TEAD3: variants seen among roughly 807,000 people sequenced by gnomAD.
The protein encoded by TEAD3 is transcriptional enhancer factor TEF-5.
Under a neutral mutation model 55.6 loss-of-function variants are expected in TEAD3, and 15 were observed. The ratio of observed to expected loss-of-function variants is 0.27; its 90% confidence interval spans 0.18 to 0.42. The LOEUF is 0.42. Among genes scored for constraint, TEAD3 ranks in the 10% least tolerant of loss-of-function variants. The pLI is 1.00. For missense variants in TEAD3, 407 were observed against 576.8 expected, an observed-to-expected ratio of 0.71 and a Z score of 3.01; for synonymous variants, 210 against 232.2, an observed-to-expected ratio of 0.90 and a Z score of 0.87.
At position 35,488,753 on chromosome 6, in the gene TEAD3, T is replaced by G. The variant is rs761404988; in HGVS notation, c.-49-2042A>C. Among the ~76,000 whole-genome samples the G allele has an allele frequency of 1.3e-5, 2 of 152,234 alleles. No homozygotes were observed. The highest frequency in any genetic ancestry group is 2.4e-5 in the African/African-American group (1 of 41,458). On this transcript the variant is annotated intron_variant, in intron 1 of 12. Coordinates refer to ENST00000639578, the Ensembl canonical transcript of TEAD3. This position sits in a 1 kb window ranked among gnomAD's most constrained non-coding sequence, Gnocchi z 4.2. The stretch of plus-strand genomic sequence containing the variant: ...TGTTTTTTATTTTTTAGACGGAGTC[T>G]TGCTCTGTCGCCCAGGCTAGAGTGC...
At position 35,475,158 on chromosome 6, in the gene TEAD3, C is replaced by CT; in HGVS notation, c.1195-2dup. The CT allele has an allele frequency of 6.3e-7, 1 of 1,576,654 alleles. No individual in the cohort carries two copies. Among genetic ancestry groups the CT allele is most frequent in the Non-Finnish European group, 8.6e-7 (1 of 1,160,938 alleles). Reference sequence around the variant, plus strand: ...CCTGGGAGTCCCGGCTCGTGACCACCTGGGGGGTGAGCAGGTAAGAGATTC... The same window carrying CT: ...CCTGGGAGTCCCGGCTCGTGACCACCTTGGGGGGTGAGCAGGTAAGAGATTC... On this transcript the variant is annotated splice_acceptor_variant, in intron 12 of 12. Coordinates refer to ENST00000639578, the Ensembl canonical transcript of TEAD3. LOFTEE classifies it high-confidence loss of function. The surrounding 1 kb of genome is among the most constrained non-coding windows in gnomAD (Gnocchi z 5.4).
chr6:35,479,479 C>T (rs1768224252), intron 4 of TEAD3, among the ~76,000 whole-genome samples, 163 bp from the exon 5 acceptor site: 1 of 152,234 alleles, frequency 6.6e-6, no homozygotes, highest in South Asian at 2.1e-4. Flanking sequence ...AGAGGGAGTG[C>T]CTGCCAGCTG....
intron 1 of TEAD3, among the ~76,000 whole-genome samples, chr6:35,493,947 C>T (rs965480617): frequency 6.6e-6 from 1 of 152,200 alleles, no homozygotes; most frequent in Admixed American, 6.5e-5. Flanking sequence ...AGAACATCCC[C>T]CATGCAGGTT....
chr6:35,488,275 G>A lies in TEAD3; in HGVS notation c.-49-1564C>T, dbSNP rs1363894093. 6.6e-6 allele frequency among the ~76,000 whole-genome samples: 1 copy of A among 151,916 alleles called. No individual in the cohort carries two copies. Among genetic ancestry groups the A allele is most frequent in the Admixed American group, 6.6e-5 (1 of 15,246 alleles). The stretch of plus-strand genomic sequence containing the variant: ...GTAAACCACCAACACGCCCGCCCCC[G>A]CCCTGGCCCATCCTACATGTGGGCC... On this transcript the variant is annotated intron_variant, in intron 1 of 12. Transcript: ENST00000639578. The surrounding 1 kb of genome is among the most constrained non-coding windows in gnomAD (Gnocchi z 4.2).
intron 1 of TEAD3, among the ~76,000 whole-genome samples, chr6:35,490,929 G>A (rs775851963): frequency 6.6e-5 from 10 of 151,924 alleles, no homozygotes; most frequent in South Asian, 2.1e-4. Context: ...ACTCTGCCTC[G>A]CTGTGCTGTG....
rs780676927 is a variant in TEAD3, at chr6:35,486,584, G to T, written c.79C>A (p.Leu27Met). ...CACACGCCCTCCGCATCGTTGTCCA[G>T]CCCCTTGTCCAGGCCCTCGGGCCCA... Residue 27 changes from leucine to methionine, a missense_variant, in exon 2 of 13, where the codon CTG becomes ATG. Leu to Met is a conservative substitution (Grantham distance 15, BLOSUM62 2). Coordinates refer to ENST00000639578, the Ensembl canonical transcript of TEAD3. The surrounding 1 kb of genome is among the most constrained non-coding windows in gnomAD (Gnocchi z 7.3). The T allele has an allele frequency of 6.2e-7, 1 of 1,613,542 alleles. No homozygotes were observed. Among genetic ancestry groups the T allele is most frequent in the Non-Finnish European group, 8.5e-7 (1 of 1,179,792 alleles).
Position 35,484,007 on chromosome 6 carries a change from G to C in TEAD3, c.267+553C>G, listed in dbSNP as rs1561805751. 6.6e-6 allele frequency among the ~76,000 whole-genome samples: 1 copy of C among 152,190 alleles called. No individual in the cohort carries two copies. ...TCCAACTTCCTCAGCCTGGAAGGAA[G>C]GGTCTTCTCCCTTTTCTCTGCCTTG... On this transcript the variant is annotated intron_variant, in intron 3 of 12. Coordinates refer to ENST00000639578, the Ensembl canonical transcript of TEAD3. The surrounding 1 kb of genome is among the most constrained non-coding windows in gnomAD (Gnocchi z 5.8).
At chr6:35,478,872 A>AT (rs1768208522) in intron 5 of TEAD3, among the ~76,000 whole-genome samples, 1 of 126,560 alleles carries the variant, frequency 7.9e-6, no homozygotes, top group Non-Finnish European at 1.6e-5. Flanking sequence ...GTACTCTCCT[A>AT]TTTTCTTTTT....
In TEAD3 at chr6:35,476,095, G is replaced by A; in HGVS notation, c.727-3C>T. 1 of 1,537,618 alleles carries A rather than the reference G, an allele frequency of 6.5e-7. No individual in the cohort carries two copies. The highest frequency in any genetic ancestry group is 8.8e-7 in the Non-Finnish European group (1 of 1,141,216). ...TGCACAAACAGGTGTTTGCTGTACT[G>A]TGGGGAGGGCCCAGACAGGGTCAGG... On this transcript the variant is annotated splice_polypyrimidine_tract_variant and splice_region_variant and intron_variant, in intron 9 of 12. Transcript: ENST00000639578.
At chr6:35,494,671 C>T (rs779614674) in intron 1 of TEAD3, among the ~76,000 whole-genome samples, 37 of 152,218 alleles carry the variant, frequency 2.4e-4, no homozygotes, top group Non-Finnish European at 4.0e-4. Flanking sequence ...CCATCCTGGG[C>T]GGGGAGGAGG....
rs1390786129 is a variant in TEAD3 at position 35,491,385 on chromosome 6, A to G, written c.-49-4674T>C. 6.6e-6 allele frequency among the ~76,000 whole-genome samples: 1 copy of G among 151,926 alleles called. No individual in the cohort carries two copies. ...GACCAGAAACTCAGATATGATAGGC[A>G]TCGAGGGAGGGGCAGACCAGGAGGG... On this transcript the variant is annotated intron_variant, in intron 1 of 12. Coordinates refer to ENST00000639578, the Ensembl canonical transcript of TEAD3. The surrounding 1 kb of genome is among the most constrained non-coding windows in gnomAD (Gnocchi z 4.4).
intron 3 of TEAD3, among the ~76,000 whole-genome samples, chr6:35,481,341 G>A (rs539773327): frequency 2.0e-5 from 3 of 152,162 alleles, no homozygotes; most frequent in African/African-American, 2.4e-5. Flanking sequence ...GATCCTTGAC[G>A]CCGCTTCACG....
In TEAD3 at chr6:35,475,121, C is replaced by T; in HGVS notation, c.1231G>A (p.Val411Ile). 1 of 1,591,864 alleles carries T rather than the reference C, an allele frequency of 6.3e-7. No homozygotes were observed. Among genetic ancestry groups the T allele is most frequent in the South Asian group, 1.1e-5 (1 of 87,696 alleles). The change falls in exon 13 of 13, where the codon GTC becomes ATC. Residue 411 changes from valine to isoleucine, a missense_variant. Val to Ile is a conservative substitution (Grantham distance 29). Transcript: ENST00000639578. The surrounding 1 kb of genome is among the most constrained non-coding windows in gnomAD (Gnocchi z 5.4). Reference sequence around the variant, plus strand: ...GAGACTTCGAAGACAAAAGCAATGACAAGCAGGGTCTCCTGGGAGTCCCGG... The same window carrying T: ...GAGACTTCGAAGACAAAAGCAATGATAAGCAGGGTCTCCTGGGAGTCCCGG...
At chr6:35,476,207 C>T (rs964521248) in intron 9 of TEAD3, 95 bp downstream of exon 9, 2 of 1,553,570 alleles carry the variant, frequency 1.3e-6, no homozygotes, top group Non-Finnish European at 8.7e-7. Flanking sequence ...ACAGGCCAGA[C>T]CCCCAACCCC....
chr6:35,473,906 G>T (rs1269036769), downstream of TEAD3: 1 of 152,510 alleles, frequency 6.6e-6, no homozygotes, highest in Non-Finnish European at 1.5e-5. Context: ...GTGGCTGCTG[G>T]ACAGGCCCAG....
At position 35,475,103 on chromosome 6, in the gene TEAD3, C is replaced by T. The variant is rs1268720847; in HGVS notation, c.1249G>A (p.Glu417Lys). 1.3e-6 allele frequency: 2 copies of T among 1,597,944 alleles called. No individual in the cohort carries two copies. The highest frequency in any genetic ancestry group is 1.7e-6 in the Non-Finnish European group (2 of 1,171,928). The change falls in exon 13 of 13, where the codon GAA becomes AAA. Residue 417 changes from glutamate (E) to lysine (K), a missense_variant. Coordinates refer to ENST00000639578, the Ensembl canonical transcript of TEAD3. This position sits in a 1 kb window ranked among gnomAD's most constrained non-coding sequence, Gnocchi z 5.4. Reference sequence around the variant, plus strand: ...GCCCCGTGCTCACTGGTGGAGACTTCGAAGACAAAAGCAATGACAAGCAGG... The same window carrying T: ...GCCCCGTGCTCACTGGTGGAGACTTTGAAGACAAAAGCAATGACAAGCAGG...
rs1352857877 is a variant in TEAD3 at position 35,485,873 on chromosome 6, A to G, written c.202+588T>C. Among the ~76,000 whole-genome samples the G allele has an allele frequency of 6.6e-6, 1 of 152,136 alleles. No individual in the cohort carries two copies. The highest frequency in any genetic ancestry group is 1.5e-5 in the Non-Finnish European group (1 of 68,016). On this transcript the variant is annotated intron_variant, in intron 2 of 12. Transcript: ENST00000639578. The surrounding 1 kb of genome is among the most constrained non-coding windows in gnomAD (Gnocchi z 4.3). ...GGCCCAGAAGGGTCGAGTTATCCCAAAAATGCAGCTCTGGGAGAGCCCTCT... is the reference window on the plus strand; with the variant it reads ...GGCCCAGAAGGGTCGAGTTATCCCAGAAATGCAGCTCTGGGAGAGCCCTCT...
chr6:35,496,849 A>G lies in TEAD3; in HGVS notation c.-50+49T>C, dbSNP rs1768679546. On this transcript the variant is annotated intron_variant, in intron 1 of 12. Coordinates refer to ENST00000639578, the Ensembl canonical transcript of TEAD3. This position sits in a 1 kb window ranked among gnomAD's most constrained non-coding sequence, Gnocchi z 4.8. ...CCCCAGCCAGCCCAGCCGACCAACCAAACCACCTCTCCCGAGCGGGGCCTC... is the reference window on the plus strand; with the variant it reads ...CCCCAGCCAGCCCAGCCGACCAACCGAACCACCTCTCCCGAGCGGGGCCTC... 1 of 151,878 alleles carries G rather than the reference A, an allele frequency of 6.6e-6. No individual in the cohort carries two copies. The allele number at this position is 151,878 out of a possible 1,614,324, so 9.4% of individuals were successfully genotyped here. A position where few individuals can be genotyped will look rare whatever the true frequency, so the allele number is the denominator to read the frequency against.
chr6:35,480,700 C>T (rs1768249452), intron 3 of TEAD3, among the ~76,000 whole-genome samples: 1 of 152,144 alleles, frequency 6.6e-6, no homozygotes, highest in Non-Finnish European at 1.5e-5. Context: ...CAGTGGCTTC[C>T]AGGGCCACCA....
Sources: allele counts gnomAD v4.1 joint callset (sites outside exome capture counted in the v4.1 genomes callset), GRCh38; gene constraint gnomAD v4.1.1; non-coding constraint Gnocchi (gnomAD v3.1); transcripts MANE v1.5; gene names NCBI Gene and HGNC (gene_info 2026-07-23, HGNC 2026-07-21).